ZNF557: variants seen among roughly 807,000 people sequenced by gnomAD.
ZNF557 encodes zinc finger protein 557, also known as CTB-25J19.9.
A neutral mutation model predicts 21.2 loss-of-function variants in ZNF557; 19 were observed. The ratio of observed to expected loss-of-function variants is 0.90; its 90% CI spans 0.63 to 1.32. The LOEUF (loss-of-function observed/expected upper bound fraction) is 1.32. Among genes scored for constraint, ZNF557 ranks in the 40% most tolerant of loss-of-function variants. The pLI is 0.00. For missense variants in ZNF557, 487 were observed against 519.8 expected (o/e 0.94, Z 0.61); for synonymous variants, 207 against 194.8 (o/e 1.06, Z -0.52).
At position 7,086,352 on chromosome 19, in the gene ZNF557, GTTTCTTTT is replaced by G. The variant is rs1332082847; in HGVS notation, c.*2612_*2619del. On this transcript the variant is annotated 3_prime_UTR_variant, in exon 8 of 8. Transcript: ENST00000252840. ...TTTGTGTCCTAATATAGCAAATACTGTTTCTTTTTTTTTTTTTTTTTTTTTTTGAGACG... is the reference window on the plus strand; with the variant it reads ...TTTGTGTCCTAATATAGCAAATACTGTTTTTTTTTTTTTTTTTTTGAGACG... The G allele has an allele frequency of 2.5e-5, 3 of 117,740 alleles. No individual in the cohort carries two copies. Among genetic ancestry groups the G allele is most frequent in the African/African-American group, 9.4e-5 (3 of 32,022 alleles). The allele number at this position is 117,740 out of a possible 1,614,324, so 7.3% of individuals were successfully genotyped here.
At position 7,084,008 on chromosome 19, in the gene ZNF557, G is replaced by A; in HGVS notation, c.*264G>A. On this transcript the variant is annotated 3_prime_UTR_variant, in exon 8 of 8. Transcript: ENST00000252840. ...CTGTAATCATCCAGAATTGTTACTGGTGAAGGGACCACTTCCAAATGGCTT... is the reference window on the plus strand; with the variant it reads ...CTGTAATCATCCAGAATTGTTACTGATGAAGGGACCACTTCCAAATGGCTT... 1 of 394,344 alleles carries A rather than the reference G, an allele frequency of 2.5e-6. No homozygotes were observed. The allele number at this position is 394,344 out of a possible 1,614,324, so 24.4% of individuals were successfully genotyped here. A position where few individuals can be genotyped will look rare whatever the true frequency, so the allele number is the denominator to read the frequency against.
chr19:7,084,244 A>T lies in ZNF557; in HGVS notation c.*500A>T, dbSNP rs1347400718. 3 of 158,888 alleles carry T rather than the reference A, an allele frequency of 1.9e-5. No homozygotes were observed. The highest frequency in any genetic ancestry group is 4.2e-5 in the Non-Finnish European group (3 of 72,100). The allele number at this position is 158,888 out of a possible 1,614,324, so 9.8% of individuals were successfully genotyped here. A position where few individuals can be genotyped will look rare whatever the true frequency, so the allele number is the denominator to read the frequency against. On this transcript the variant is annotated 3_prime_UTR_variant, in exon 8 of 8. Coordinates refer to ENST00000252840, the MANE Select transcript of ZNF557 (RefSeq NM_024341.3). ...CCCTGTTACATTGGTCATACACACC[A>T]ATCCTGATACAATGTGGAAGAACAC...
Position 7,087,682 on chromosome 19 carries a change from CAAAG to C in ZNF557, c.*3940_*3943del, listed in dbSNP as rs1309982719. ...CAAGTAACCACTAATTGGTTAAAAC[CAAAG>C]AGAGAGAGAGAGAGAGTGTGTGTGT... On this transcript the variant is annotated 3_prime_UTR_variant, in exon 8 of 8. Transcript: ENST00000252840. 1 of 138,222 alleles carries C rather than the reference CAAAG, an allele frequency of 7.2e-6. No individual in the cohort carries two copies. Among genetic ancestry groups the C allele is most frequent in the Admixed American group, 7.3e-5 (1 of 13,766 alleles). The allele number at this position is 138,222 out of a possible 1,614,324, so 8.6% of individuals were successfully genotyped here.
intron 5 of ZNF557, among the ~76,000 whole-genome samples, chr19:7,079,366 C>T (rs372825835): frequency 6.6e-5 from 10 of 151,324 alleles, no homozygotes; most frequent in East Asian, 1.9e-4. Flanking sequence ...CTCAGCCTCC[C>T]GAGTAGCTGG....
intron 5 of ZNF557, among the ~76,000 whole-genome samples, chr19:7,079,559 A>G (rs941242796): frequency 6.6e-6 from 1 of 152,006 alleles, no homozygotes; most frequent in Non-Finnish European, 1.5e-5. Context: ...GTTTCTTTAC[A>G]TGCCTCATAA....
intron 6 of ZNF557, among the ~76,000 whole-genome samples, chr19:7,081,730 C>T (rs1446713954): frequency 6.6e-6 from 1 of 152,172 alleles, no homozygotes; most frequent in African/African-American, 2.4e-5. Flanking sequence ...TGATCAGTTT[C>T]AGTCCACCTT....
At chr19:7,081,138 T>A in intron 5 of ZNF557, among the ~76,000 whole-genome samples, 1 of 150,294 alleles carries the variant, frequency 6.7e-6, no homozygotes, top group East Asian at 1.9e-4. Flanking sequence ...CCACCCTAGA[T>A]ATTGCTTGTG....
At chr19:7,082,092 A>G in intron 7 of ZNF557, 40 bp downstream of exon 7, 1 of 1,511,600 alleles carries the variant, frequency 6.6e-7, no homozygotes, top group South Asian at 1.1e-5. Flanking sequence ...TTTTCATGGT[A>G]GAATGCCCTA....
In ZNF557 at chr19:7,076,371, A is replaced by C; in HGVS notation, c.121-10A>C. 6.2e-7 allele frequency: 1 copy of C among 1,614,054 alleles called. No homozygotes were observed. Among genetic ancestry groups the C allele is most frequent in the Non-Finnish European group, 8.5e-7 (1 of 1,180,002 alleles). ...TCCTTGGCTAAGCCGTGATGTTTGC[A>C]ATGCTTTAGGGCTTGGTGACCTTTG... On this transcript the variant is annotated splice_polypyrimidine_tract_variant and intron_variant, in intron 4 of 7. Coordinates refer to ENST00000252840, the MANE Select transcript of ZNF557 (RefSeq NM_024341.3).
In ZNF557 at chr19:7,087,226, T is replaced by TTTTTTTTTTTTTTTTTTTTTTTTTGTTTG. The variant is rs1555730813; in HGVS notation, c.*3482_*3483insTTTTTTTTTTTTTTTTTTTTTTTTGTTTG. The TTTTTTTTTTTTTTTTTTTTTTTTTGTTTG allele has an allele frequency of 1.1e-5, 1 of 87,560 alleles. No homozygotes were observed. The highest frequency in any genetic ancestry group is 5.1e-5 in the African/African-American group (1 of 19,646). 5.4% of individuals were successfully genotyped at this position (87,560 alleles called of 1,614,324 possible). On this transcript the variant is annotated 3_prime_UTR_variant, in exon 8 of 8. Transcript: ENST00000252840. ...GCTTTTTTTTTTTTTTTTTTTTTTT[T>TTTTTTTTTTTTTTTTTTTTTTTTTGTTTG]CTTCACTGTGGTGATAAAAACCACA...
At position 7,082,928 on chromosome 19, in the gene ZNF557, A is replaced by G; in HGVS notation, c.477A>G (p.Lys159=). ...TCAACGAATGTAATCAGTGTTTTAA[A>G]GTCTTCAGCACAAAATCTTCCCTTA... is the stretch of plus-strand genomic sequence containing the variant. ...ATLNECNQCF[K]VFSTKSSLTR... is the part of the protein sequence containing the mutation. The change falls in exon 8 of 8, where the codon AAA becomes AAG. Residue 159 remains lysine (K), a synonymous_variant. Transcript: ENST00000252840. 1 of 1,610,568 alleles carries G rather than the reference A, an allele frequency of 6.2e-7. No individual in the cohort carries two copies. The highest frequency in any genetic ancestry group is 8.5e-7 in the Non-Finnish European group (1 of 1,178,162).
At chr19:7,073,712 C>A (rs1005482101) in intron 2 of ZNF557, among the ~76,000 whole-genome samples, 1 of 152,074 alleles carries the variant, frequency 6.6e-6, no homozygotes, top group Non-Finnish European at 1.5e-5. Flanking sequence ...TGGGGAATGG[C>A]TCTCCATTCA....
intron 5 of ZNF557, among the ~76,000 whole-genome samples, chr19:7,078,546 C>G (rs1015282065): frequency 1.3e-5 from 2 of 151,860 alleles, no homozygotes; most frequent in African/African-American, 4.8e-5. Context: ...TTCTCCCTGC[C>G]TCAGCCTCCT....
At chr19:7,078,123 T>TC (rs1231924810) in intron 5 of ZNF557, among the ~76,000 whole-genome samples, 24 of 152,182 alleles carry the variant, frequency 1.6e-4, no homozygotes, top group Non-Finnish European at 7.3e-5. Flanking sequence ...TCTTGAATGA[T>TC]AGTTTTGCAG....
intron 2 of ZNF557, among the ~76,000 whole-genome samples, chr19:7,072,764 C>T (rs1051790542): frequency 6.6e-6 from 1 of 152,182 alleles, no homozygotes; most frequent in African/African-American, 2.4e-5. Flanking sequence ...CCATGTGCCC[C>T]TCTGCCATAT....
intron 2 of ZNF557, among the ~76,000 whole-genome samples, chr19:7,073,822 T>G (rs1977514323): frequency 6.6e-6 from 1 of 152,142 alleles, no homozygotes; most frequent in African/African-American, 2.4e-5. Context: ...AGGGCCTGAA[T>G]GCTACATCTC....
intron 2 of ZNF557, 40 bp downstream of exon 2, chr19:7,070,693 T>G (rs1350656635): frequency 6.6e-6 from 1 of 152,094 alleles, no homozygotes; most frequent in Non-Finnish European, 1.5e-5. Flanking sequence ...AAGACTCCAC[T>G]GTGTAGAAAA....
Position 7,083,788 on chromosome 19 carries a change from C to A in ZNF557, c.*44C>A. ...AAGCATTCATTGATCTTTCATGCCT[C>A]AGATAACATGAGCAAACTCTAACAA... On this transcript the variant is annotated 3_prime_UTR_variant, in exon 8 of 8. Coordinates refer to ENST00000252840, the MANE Select transcript of ZNF557 (RefSeq NM_024341.3). 1 of 1,550,412 alleles carries A rather than the reference C, an allele frequency of 6.4e-7. No individual in the cohort carries two copies. Among genetic ancestry groups the A allele is most frequent in the South Asian group, 1.3e-5 (1 of 78,968 alleles).
At chr19:7,079,868 C>CT (rs1568408816) in intron 5 of ZNF557, among the ~76,000 whole-genome samples, 2 of 152,164 alleles carry the variant, frequency 1.3e-5, no homozygotes, top group Non-Finnish European at 2.9e-5. Flanking sequence ...CAAAACTCAG[C>CT]TAAAGCATCT....
Sources: gnomAD v4.1 joint callset for allele counts (sites outside exome capture counted in the v4.1 genomes callset) on GRCh38, gnomAD v4.1.1 for gene constraint, MANE v1.5 for transcripts, NCBI Gene and HGNC (gene_info 2026-07-23, HGNC 2026-07-21) for gene names.